The following GRM8 variants were observed in gnomAD, a reference collection of about 807,000 sequenced individuals.
The protein encoded by GRM8 is glutamate metabotropic receptor 8, also known as metabotropic glutamate receptor 8.
In GRM8, 47 loss-of-function variants were observed where a neutral mutation model predicts 87.2. That is an observed-to-expected ratio of 0.54 (90% CI 0.43 to 0.69). The LOEUF (loss-of-function observed/expected upper bound fraction) is 0.69. Ranked by LOEUF, GRM8 falls within the 30% of genes least tolerant of loss-of-function variation. The pLI, the probability that GRM8 is intolerant of heterozygous loss-of-function variation, is 0.00. For synonymous variants in GRM8, 396 were observed against 404.5 expected, an observed-to-expected ratio of 0.98 and a Z score of 0.25; for missense variants, 1,019 against 1,139.2, an observed-to-expected ratio of 0.89 and a Z score of 1.52.
At chr7:126,575,217 G>A (rs1285589352) in intron 8 of GRM8, among the ~76,000 whole-genome samples, 1 of 150,982 alleles carries the variant, frequency 6.6e-6, no homozygotes, top group East Asian at 1.9e-4. Context: ...ATTCTCATAG[G>A]AGTGTGAGCC....
intron 3 of GRM8, among the ~76,000 whole-genome samples, chr7:127,028,719 CTTTCT>C (rs909304294): frequency 6.6e-6 from 1 of 152,046 alleles, no homozygotes; most frequent in Non-Finnish European, 1.5e-5. Context: ...TTTGATCCTT[CTTTCT>C]TTTCTTATTA....
intron 7 of GRM8, among the ~76,000 whole-genome samples, chr7:126,709,475 G>A (rs1446597935): frequency 3.3e-5 from 5 of 151,814 alleles, no homozygotes; most frequent in African/African-American, 9.7e-5. Flanking sequence ...AAAAGAGGAA[G>A]AGGAAGAAGA....
chr7:126,981,930 G>A (rs974225693), intron 3 of GRM8, among the ~76,000 whole-genome samples: 1 of 151,938 alleles, frequency 6.6e-6, no homozygotes, highest in Non-Finnish European at 1.5e-5. Flanking sequence ...CTTATTAGTC[G>A]GGGTTCTCTA....
chr7:126,763,898 C>G (rs780587627), intron 7 of GRM8, among the ~76,000 whole-genome samples: 1 of 151,528 alleles, frequency 6.6e-6, no homozygotes, highest in African/African-American at 2.4e-5. Flanking sequence ...AGAAATGTCT[C>G]TCCGTTTTTT....
intron 3 of GRM8, among the ~76,000 whole-genome samples, chr7:126,979,226 C>T (rs764862979): frequency 1.6e-3 from 247 of 152,292 alleles, no homozygotes; most frequent in Non-Finnish European, 1.7e-3. Context: ...ACAATTCCCT[C>T]CTTCTCTCCC....
intron 7 of GRM8, among the ~76,000 whole-genome samples, chr7:126,638,725 T>C (rs1563043817): frequency 6.6e-6 from 1 of 152,194 alleles, no homozygotes; most frequent in Non-Finnish European, 1.5e-5. Flanking sequence ...TCTATCTTGC[T>C]TCTTAGGTGT....
At chr7:126,492,794 G>C (rs993706311) in intron 9 of GRM8, among the ~76,000 whole-genome samples, 2 of 152,018 alleles carry the variant, frequency 1.3e-5, no homozygotes, top group Non-Finnish European at 2.9e-5. Flanking sequence ...AAGTAATTCT[G>C]TCAGATGGAC....
intron 6 of GRM8, among the ~76,000 whole-genome samples, chr7:126,889,299 A>C (rs1390933231): frequency 6.6e-6 from 1 of 152,120 alleles, no homozygotes; most frequent in East Asian, 1.9e-4. Context: ...TTCCACAGCT[A>C]GGATGCAGTG....
At position 127,252,535 on chromosome 7, in the gene GRM8, T is replaced by C. The variant is rs1798930153; in HGVS notation, c.-312+262A>G. The stretch of plus-strand genomic sequence containing the variant: ...CCGTCACCTCCGCCCGCTATTTCTC[T>C]CACAGACTACGGACATGCAGGGCCA... On this transcript the variant is annotated intron_variant, in intron 1 of 10. Coordinates refer to ENST00000339582, the MANE Select transcript of GRM8 (RefSeq NM_000845.3). This position sits in a 1 kb window ranked among gnomAD's most constrained non-coding sequence, Gnocchi z 4.9. Among the ~76,000 whole-genome samples, 1 of 151,912 alleles carries C rather than the reference T, an allele frequency of 6.6e-6. No homozygotes were observed. Among genetic ancestry groups the C allele is most frequent in the African/African-American group, 2.4e-5 (1 of 41,354 alleles).
intron 3 of GRM8, among the ~76,000 whole-genome samples, chr7:126,998,930 A>T (rs1813444778): frequency 6.6e-6 from 1 of 151,908 alleles, no homozygotes; most frequent in South Asian, 2.1e-4. Flanking sequence ...ATGGAACTAC[A>T]AAAGACCCCA....
chr7:126,479,421 T>C (rs1806392248), intron 9 of GRM8, among the ~76,000 whole-genome samples: 1 of 152,102 alleles, frequency 6.6e-6, no homozygotes, highest in African/African-American at 2.4e-5. Context: ...ACCTACTATA[T>C]GTCTCTGTGT....
chr7:126,525,650 C>G (rs1393188693), intron 9 of GRM8, among the ~76,000 whole-genome samples: 1 of 152,218 alleles, frequency 6.6e-6, no homozygotes, highest in Non-Finnish European at 1.5e-5. Context: ...TTGAATTTCT[C>G]CATAAATCAG....
intron 3 of GRM8, among the ~76,000 whole-genome samples, chr7:126,997,124 C>A (rs1813249474): frequency 1.3e-5 from 2 of 150,002 alleles, no homozygotes; most frequent in South Asian, 2.1e-4. Flanking sequence ...TTAAACTACC[C>A]ATCAGTAACA....
chr7:126,533,811 T>C lies in GRM8; in HGVS notation c.1571A>G (p.Glu524Gly). The change falls in exon 9 of 11, where the codon GAG becomes GGG. Residue 524 changes from glutamate to glycine, a missense_variant. Glu to Gly is a moderately conservative substitution (Grantham distance 98). Coordinates refer to ENST00000339582, the MANE Select transcript of GRM8 (RefSeq NM_000845.3). ...GACCCCTTTCACCGTTTTCTTCCTC[T>C]CCCCTGGCTTACACGGCAGGCTGCA... ...SVCSLPCKPG[E>G]RKKTVKGVPC... 1 of 1,614,034 alleles carries C rather than the reference T, an allele frequency of 6.2e-7. No individual in the cohort carries two copies. Among genetic ancestry groups the C allele is most frequent in the African/African-American group, 1.3e-5 (1 of 75,018 alleles).
At chr7:126,573,519 G>A (rs1320644083) in intron 8 of GRM8, among the ~76,000 whole-genome samples, 3 of 152,040 alleles carry the variant, frequency 2.0e-5, no homozygotes, top group African/African-American at 7.2e-5. Flanking sequence ...AAGCTTTGGG[G>A]AGGGAAGAGG....
At chr7:127,164,115 G>A (rs1292388306) in intron 2 of GRM8, among the ~76,000 whole-genome samples, 1 of 151,968 alleles carries the variant, frequency 6.6e-6, no homozygotes, top group Non-Finnish European at 1.5e-5. Flanking sequence ...TGTGAGATCC[G>A]ATCATTTAAA....
intron 8 of GRM8, among the ~76,000 whole-genome samples, chr7:126,542,763 T>G (rs909768578): frequency 3.3e-5 from 5 of 152,156 alleles, no homozygotes; most frequent in African/African-American, 1.2e-4. Context: ...TATGACATGA[T>G]AGTATTATTT....
intron 3 of GRM8, among the ~76,000 whole-genome samples, chr7:127,034,440 T>C (rs893742945): frequency 2.6e-5 from 4 of 152,170 alleles, no homozygotes; most frequent in African/African-American, 9.7e-5. Flanking sequence ...ACAGGTACAC[T>C]GCCCCAAAAT....
At chr7:126,768,241 G>C in intron 7 of GRM8, among the ~76,000 whole-genome samples, 1 of 150,476 alleles carries the variant, frequency 6.6e-6, no homozygotes, top group Admixed American at 6.7e-5. Flanking sequence ...TAATACCTAA[G>C]TTCTCCAGGA....
Sources: allele counts gnomAD v4.1 joint callset (sites outside exome capture counted in the v4.1 genomes callset), GRCh38; gene constraint gnomAD v4.1.1; non-coding constraint Gnocchi (gnomAD v3.1); transcripts MANE v1.5; gene names NCBI Gene and HGNC (gene_info 2026-07-23, HGNC 2026-07-21).